Variants in ANKRD54 observed in about 807,000 individuals in gnomAD.
ANKRD54 encodes the protein ankyrin repeat domain 54, also known as ankyrin repeat domain-containing protein 54.
A neutral mutation model predicts 36.2 loss-of-function variants in ANKRD54; 26 were observed. That is an observed-to-expected ratio of 0.72 (90% CI 0.53 to 1.00). ANKRD54 has a LOEUF of 1.00. ANKRD54 is among the 50% of genes least tolerant of loss of function. The probability of loss-of-function intolerance (pLI) is 0.00; values close to 1 mark genes in which losing one functional copy is unlikely to be tolerated. For synonymous variants in ANKRD54, 209 were observed against 188.4 expected (o/e 1.11, Z -0.89); for missense variants, 384 against 424.3 (o/e 0.91, Z 0.83).
chr22:37,835,103 C>T (rs1923361986), intron 3 of ANKRD54, among the ~76,000 whole-genome samples: 1 of 152,024 alleles, frequency 6.6e-6, no homozygotes, highest in Admixed American at 6.6e-5. Context: ...GAGCTCACGC[C>T]TGTAATCCCA....
chr22:37,837,630 A>T (rs991941853), intron 3 of ANKRD54, among the ~76,000 whole-genome samples: 15 of 152,158 alleles, frequency 9.9e-5, no homozygotes, highest in Admixed American at 3.9e-4. Context: ...TCCCAAGAAC[A>T]CTGAGGGAAG....
rs780420808 is a variant in ANKRD54 at position 37,832,031 on chromosome 22, C to G, written c.829-14G>C. On this transcript the variant is annotated splice_polypyrimidine_tract_variant and intron_variant, in intron 7 of 7. Transcript: ENST00000215941. Reference sequence around the variant, plus strand: ...CACTTCATCCACCTGCAGGACGGAACAGAGGCTCTGTTATGGGACACGGGG... The same window carrying G: ...CACTTCATCCACCTGCAGGACGGAAGAGAGGCTCTGTTATGGGACACGGGG... The G allele has an allele frequency of 8.1e-6, 13 of 1,610,160 alleles. No individual in the cohort carries two copies. In the South Asian group the frequency reaches 1.4e-4, roughly 18 times the overall value.
chr22:37,838,614 CAG>C lies in ANKRD54; in HGVS notation c.377-18_377-17del. ...AGCTGCTGCACTGACACCACCAAGA[CAG>C]AGGGAGGAAGGGGGAGAAAGCGGCG... On this transcript the variant is annotated splice_polypyrimidine_tract_variant and intron_variant, in intron 2 of 7. Coordinates refer to ENST00000215941, the MANE Select transcript of ANKRD54 (RefSeq NM_138797.4). 5 of 1,603,186 alleles carry C rather than the reference CAG, an allele frequency of 3.1e-6. No homozygotes were observed. The highest frequency in any genetic ancestry group is 4.2e-6 in the Non-Finnish European group (5 of 1,176,636).
intron 3 of ANKRD54, among the ~76,000 whole-genome samples, chr22:37,835,670 G>A (rs1332009067): frequency 6.6e-6 from 1 of 152,108 alleles, no homozygotes; most frequent in Non-Finnish European, 1.5e-5. Context: ...GCTGGGCTTG[G>A]TGGTGTGCAC....
Position 37,838,537 on chromosome 22 carries a change from A to C in ANKRD54, c.438T>G (p.Ala146=), listed in dbSNP as rs953762968. The change falls in exon 3 of 8, where the codon GCT becomes GCG. Residue 146 remains alanine, a synonymous_variant. Coordinates refer to ENST00000215941, the MANE Select transcript of ANKRD54 (RefSeq NM_138797.4). ...PCAADDKGRT[A]LHFASCNGND... Reference sequence around the variant, plus strand: ...TGCCATTGCATGAGGCAAAGTGTAGAGCTGTGCGGCCCTTGTCATCAGCTG... The same window carrying C: ...TGCCATTGCATGAGGCAAAGTGTAGCGCTGTGCGGCCCTTGTCATCAGCTG... 3.1e-6 allele frequency: 5 copies of C among 1,612,612 alleles called. No homozygotes were observed. In the African/African-American group the frequency reaches 5.3e-5, roughly 17 times the overall value.
upstream of ANKRD54, chr22:37,847,722 CTG>C (rs755355426): frequency 2.5e-5 from 11 of 433,934 alleles, no homozygotes; most frequent in East Asian, 2.2e-4. Flanking sequence ...AAGGAAGAGA[CTG>C]TGACTCTTCC....
At chr22:37,846,126 G>T (rs1050946104), upstream of ANKRD54, among the ~76,000 whole-genome samples, 1 of 151,976 alleles carries the variant, frequency 6.6e-6, no homozygotes, top group African/African-American at 2.4e-5. Flanking sequence ...GGTGAGCCGA[G>T]ATCGCACCAC....
chr22:37,832,795 G>A lies in ANKRD54; in HGVS notation c.721-51C>T, dbSNP rs75571797. On this transcript the variant is annotated intron_variant, in intron 6 of 7. Transcript: ENST00000215941. ...GCCTGGGTTCCTAGGGAGGCAGACAGGCTGATGCTGCTTCCAAAAAGCACA... is the reference window on the plus strand; with the variant it reads ...GCCTGGGTTCCTAGGGAGGCAGACAAGCTGATGCTGCTTCCAAAAAGCACA... 15,812 of 1,606,612 alleles carry A rather than the reference G, an allele frequency of 9.8e-3. 104 individuals carry two copies. Among genetic ancestry groups the A allele is most frequent in the Middle Eastern group, 0.013 (77 of 6,042 alleles).
Position 37,832,972 on chromosome 22 carries a change from G to C in ANKRD54, c.706C>G (p.Leu236Val). 3.7e-6 allele frequency: 6 copies of C among 1,613,874 alleles called. No homozygotes were observed. Among genetic ancestry groups the C allele is most frequent in the East Asian group, 2.2e-5 (1 of 44,876 alleles). The change falls in exon 6 of 8, where the codon CTG (leucine) becomes GTG (valine). Residue 236 changes from leucine to valine, a missense_variant. Physicochemically the swap from Leu to Val is conservative, Grantham distance 32 (BLOSUM62 1). Around this residue, in one of 3 missense-constraint regions of ANKRD54, gnomAD observed 179 missense variants for 224.0 expected, o/e 0.80. Transcript: ENST00000215941. Reference protein sequence around the residue: ...GHAQCLEAVRLEVKQIIHMLR... With the variant: ...GHAQCLEAVRVEVKQIIHMLR... ...GGGGTACTCACCTGCTTCACCTCCA[G>C]ACGCACAGCCTCTAGGCACTGGGCA...
Position 37,831,899 on chromosome 22 carries a change from G to C in ANKRD54, c.*44C>G, listed in dbSNP as rs375821454. 1 of 1,595,998 alleles carries C rather than the reference G, an allele frequency of 6.3e-7. No individual in the cohort carries two copies. Among genetic ancestry groups the C allele is most frequent in the Non-Finnish European group, 8.6e-7 (1 of 1,166,602 alleles). Reference sequence around the variant, plus strand: ...TTTTTCTTGGTACTGAGACAGCAGTGGGGCAGGGTGGGGCAGTGGCAGGAA... The same window carrying C: ...TTTTTCTTGGTACTGAGACAGCAGTCGGGCAGGGTGGGGCAGTGGCAGGAA... On this transcript the variant is annotated 3_prime_UTR_variant, in exon 8 of 8. Transcript: ENST00000215941.
At chr22:37,841,892 T>TAAATAAATAAATA (rs1555911916) in intron 1 of ANKRD54, among the ~76,000 whole-genome samples, 7 of 30,518 alleles carry the variant, frequency 2.3e-4, no homozygotes, top group Non-Finnish European at 4.0e-4. Context: ...AATAAATAAA[T>TAAATAAATAAATA]AAATAAAATA....
chr22:37,846,751 C>T (rs1020231690), upstream of ANKRD54, among the ~76,000 whole-genome samples: 8 of 152,180 alleles, frequency 5.3e-5, no homozygotes, highest in African/African-American at 1.9e-4. Flanking sequence ...GACTTCACAA[C>T]TCCTTCTCAA....
chr22:37,840,336 A>C (rs1349244537), intron 1 of ANKRD54, 102 bp from the exon 2 acceptor site: 6 of 1,260,432 alleles, frequency 4.8e-6, no homozygotes, highest in Non-Finnish European at 6.9e-6. Context: ...AGGCAGGCAG[A>C]TCACAAGGTC....
intron 6 of ANKRD54, 76 bp from the exon 7 acceptor site, chr22:37,832,820 A>G: frequency 6.2e-7 from 1 of 1,603,796 alleles, no homozygotes; most frequent in Non-Finnish European, 8.5e-7. Flanking sequence ...CAAAAAGCAC[A>G]GTGGAGCAGG....
upstream of ANKRD54, chr22:37,849,321 A>T (rs565553361): frequency 8.8e-7 from 1 of 1,140,210 alleles, no homozygotes; most frequent in African/African-American, 1.5e-5. Flanking sequence ...GCTGTCTCAG[A>T]TGGCCAGAGG....
intron 3 of ANKRD54, 126 bp downstream of exon 3, chr22:37,838,374 C>G: frequency 1.1e-6 from 1 of 926,844 alleles, no homozygotes; most frequent in Non-Finnish European, 1.6e-6. Flanking sequence ...ACTGCAGTGC[C>G]AAGTCTTCCT....
intron 4 of ANKRD54, 78 bp downstream of exon 4, chr22:37,833,606 G>T: frequency 6.7e-7 from 1 of 1,492,028 alleles, no homozygotes; most frequent in Non-Finnish European, 9.3e-7. Context: ...CCAGGAGCAT[G>T]CCGGGCCCCA....
rs895975018 is a variant in ANKRD54, at chr22:37,831,866, T to C, written c.*77A>G. 14 of 1,457,782 alleles carry C rather than the reference T, an allele frequency of 9.6e-6. No homozygotes were observed. The highest frequency in any genetic ancestry group is 4.2e-5 in the African/African-American group (3 of 71,934). The allele number at this position is 1,457,782 out of a possible 1,614,324, so 90.3% of individuals were successfully genotyped here. A position where few individuals can be genotyped will look rare whatever the true frequency, so the allele number is the denominator to read the frequency against. ...GACAAGTGCAGCTCCAAGTCCCAGA[T>C]GTTGGGCTTTTTCTTGGTACTGAGA... On this transcript the variant is annotated 3_prime_UTR_variant, in exon 8 of 8. Coordinates refer to ENST00000215941, the MANE Select transcript of ANKRD54 (RefSeq NM_138797.4).
At chr22:37,833,582 A>G (rs976129309) in intron 4 of ANKRD54, 102 bp downstream of exon 4, 4 of 1,256,458 alleles carry the variant, frequency 3.2e-6, no homozygotes, top group Admixed American at 1.9e-5. Context: ...CTTCCCTGAC[A>G]CTCACAGTTT....
Sources: gnomAD v4.1 joint callset for allele counts (sites outside exome capture counted in the v4.1 genomes callset) on GRCh38, gnomAD v4.1.1 for gene constraint, gnomAD v4.1.1 regional missense constraint, MANE v1.5 for transcripts, NCBI Gene and HGNC (gene_info 2026-07-23, HGNC 2026-07-21) for gene names.